NDST4: variants seen among roughly 807,000 people sequenced by gnomAD.
NDST4 encodes the protein N-heparan sulfate sulfotransferase 4.
NDST4 carries 63 observed loss-of-function variants against 100.8 expected under a neutral mutation model. The ratio of observed to expected loss-of-function variants is 0.62; its 90% CI spans 0.51 to 0.77. NDST4 has a LOEUF of 0.77. Among genes scored for constraint, NDST4 ranks in the 30% least tolerant of loss-of-function variants. The pLI is 0.00. For missense variants in NDST4, 943 were observed against 1,018.4 expected (o/e 0.93, Z 1.01); for synonymous variants, 377 against 361.8 (o/e 1.04, Z -0.48).
rs565280536 is a variant in NDST4 at position 114,917,065 on chromosome 4, T to C, written c.1536+18141A>G. Among the ~76,000 whole-genome samples the C allele has an allele frequency of 7.9e-5, 12 of 152,262 alleles. No individual in the cohort carries two copies. In the South Asian group the frequency reaches 2.5e-3, roughly 32 times the overall value. On this transcript the variant is annotated intron_variant, in intron 6 of 13. Coordinates refer to ENST00000264363, the MANE Select transcript of NDST4 (RefSeq NM_022569.3). ...TGCAAATACCAAACTTAATGGATGCTCAAGTCCCTCACATAAAATCATTTG... is the reference window on the plus strand; with the variant it reads ...TGCAAATACCAAACTTAATGGATGCCCAAGTCCCTCACATAAAATCATTTG...
intron 4 of NDST4, among the ~76,000 whole-genome samples, chr4:114,968,948 G>T (rs1043761316): frequency 4.6e-5 from 7 of 152,082 alleles, no homozygotes; most frequent in African/African-American, 1.7e-4. Flanking sequence ...CTGTGCTAAT[G>T]GACCAAGCAG....
chr4:114,872,807 G>A (rs1724176581), intron 6 of NDST4, among the ~76,000 whole-genome samples: 1 of 151,910 alleles, frequency 6.6e-6, no homozygotes, highest in Non-Finnish European at 1.5e-5. Context: ...TCTAGTCAGT[G>A]GCAGAGCAGG....
At chr4:114,919,523 C>G (rs1725244898) in intron 6 of NDST4, among the ~76,000 whole-genome samples, 1 of 152,046 alleles carries the variant, frequency 6.6e-6, no homozygotes, top group South Asian at 2.1e-4. Flanking sequence ...ACAAACAATC[C>G]TGGCATGTAT....
intron 4 of NDST4, among the ~76,000 whole-genome samples, chr4:114,956,766 A>G (rs555657750): frequency 6.6e-6 from 1 of 152,342 alleles, no homozygotes; most frequent in East Asian, 1.9e-4. Context: ...AGAGTCACTT[A>G]AATTATCCAG....
At chr4:115,074,014 G>A (rs1729130606) in intron 2 of NDST4, among the ~76,000 whole-genome samples, 1 of 151,722 alleles carries the variant, frequency 6.6e-6, no homozygotes, top group Non-Finnish European at 1.5e-5. Flanking sequence ...TTCTTCAAAA[G>A]CACAGTTCAA....
At chr4:115,088,637 C>G (rs1475287975) in intron 1 of NDST4, among the ~76,000 whole-genome samples, 1 of 151,848 alleles carries the variant, frequency 6.6e-6, no homozygotes, top group Non-Finnish European at 1.5e-5. Context: ...GTCACTCTCA[C>G]CCCCACTCCC....
At chr4:114,926,750 A>C (rs1483012448) in intron 6 of NDST4, among the ~76,000 whole-genome samples, 1 of 152,124 alleles carries the variant, frequency 6.6e-6, no homozygotes, top group Non-Finnish European at 1.5e-5. Context: ...TGCAGATGTT[A>C]TTATAAACCA....
intron 2 of NDST4, among the ~76,000 whole-genome samples, chr4:114,984,527 T>C (rs1026653108): frequency 2.0e-5 from 3 of 152,170 alleles, no homozygotes; most frequent in Admixed American, 6.6e-5. Flanking sequence ...ATAGTGTTTG[T>C]TTTATATGGT....
intron 1 of NDST4, among the ~76,000 whole-genome samples, chr4:115,104,330 C>A (rs181398291): frequency 1.3e-5 from 2 of 152,172 alleles, no homozygotes; most frequent in African/African-American, 2.4e-5. Context: ...GAGAAGGAGA[C>A]AGATGGTGGC....
intron 6 of NDST4, among the ~76,000 whole-genome samples, chr4:114,886,505 T>A (rs1724481030): frequency 6.6e-6 from 1 of 152,134 alleles, no homozygotes. Context: ...TGCCAATTAA[T>A]GATGATGAGA....
chr4:114,832,156 G>T (rs1272628428), intron 12 of NDST4, among the ~76,000 whole-genome samples: 3 of 152,152 alleles, frequency 2.0e-5, no homozygotes, highest in African/African-American at 7.2e-5. Context: ...GGCAGGAAAA[G>T]AAAGCCAACA....
At chr4:115,014,566 T>C (rs1023080529) in intron 2 of NDST4, among the ~76,000 whole-genome samples, 1 of 152,032 alleles carries the variant, frequency 6.6e-6, no homozygotes, top group African/African-American at 2.4e-5. Flanking sequence ...TTTGAGATTT[T>C]TTAGTAGGGT....
In NDST4 at chr4:115,076,673, C is replaced by T. The variant is rs1578504202; in HGVS notation, c.364G>A (p.Asp122Asn). Residue 122 changes from aspartate (D) to asparagine (N), a missense_variant, in exon 2 of 14, where the codon GAT becomes AAT. By Grantham distance (23) the Asp-to-Asn change is conservative. Transcript: ENST00000264363. ...AAAGTATATTTCCCTTTGCCATTATCTGTAAGAGGAGGTATATCTCCCTTT... is the reference window on the plus strand; with the variant it reads ...AAAGTATATTTCCCTTTGCCATTATTTGTAAGAGGAGGTATATCTCCCTTT... ...PGKGDIPPLT[D>N]NGKGKYTLVI... 2.5e-6 allele frequency: 4 copies of T among 1,613,876 alleles called. No individual in the cohort carries two copies. Among genetic ancestry groups the T allele is most frequent in the Non-Finnish European group, 3.4e-6 (4 of 1,179,924 alleles).
At chr4:114,901,947 T>G (rs1157461519) in intron 6 of NDST4, among the ~76,000 whole-genome samples, 1 of 152,004 alleles carries the variant, frequency 6.6e-6, no homozygotes, top group East Asian at 1.9e-4. Context: ...CAAATATCTT[T>G]TAAGAAAAGA....
intron 6 of NDST4, among the ~76,000 whole-genome samples, chr4:114,883,408 A>T (rs1003232055): frequency 1.3e-5 from 2 of 152,074 alleles, no homozygotes; most frequent in African/African-American, 4.8e-5. Context: ...TTAGTTTAAA[A>T]TGTATATTGT....
In NDST4 at chr4:114,870,911, C is replaced by A; in HGVS notation, c.1576G>T (p.Asp526Tyr). 1 of 1,609,460 alleles carries A rather than the reference C, an allele frequency of 6.2e-7. No individual in the cohort carries two copies. The highest frequency in any genetic ancestry group is 1.1e-5 in the South Asian group (1 of 90,392). Residue 526 changes from aspartate to tyrosine, a missense_variant, in exon 7 of 14, where the codon GAC becomes TAC. By Grantham distance (160) the Asp-to-Tyr change is radical. Coordinates refer to ENST00000264363, the MANE Select transcript of NDST4 (RefSeq NM_022569.3). ...FMTHLSNYGN[D>Y]RLGLYTFVNL... is the part of the protein sequence containing the mutation. ...ACAAAGGTATATAACCCTAGGCGGT[C>A]ATTTCCATAGTTTGATAAATGGGTC...
At chr4:114,952,649 G>C (rs1252858016) in intron 4 of NDST4, among the ~76,000 whole-genome samples, 4 of 152,054 alleles carry the variant, frequency 2.6e-5, no homozygotes, top group Admixed American at 2.6e-4. Context: ...TTGTAAGTTT[G>C]GTGAAAATAG....
At chr4:115,063,677 C>T (rs1728871278) in intron 2 of NDST4, among the ~76,000 whole-genome samples, 1 of 151,408 alleles carries the variant, frequency 6.6e-6, no homozygotes, top group African/African-American at 2.4e-5. Context: ...ATTTATCTCG[C>T]CACAGAGAAT....
chr4:115,101,552 T>C (rs551200922), intron 1 of NDST4, among the ~76,000 whole-genome samples: 6 of 152,156 alleles, frequency 3.9e-5, no homozygotes, highest in Admixed American at 1.3e-4. Context: ...GTAAATAATA[T>C]AAAAATAAAT....
Sources: gnomAD v4.1 joint callset for allele counts (sites outside exome capture counted in the v4.1 genomes callset) on GRCh38, gnomAD v4.1.1 for gene constraint, MANE v1.5 for transcripts, NCBI Gene and HGNC (gene_info 2026-07-23, HGNC 2026-07-21) for gene names.